NUDCD3: variants seen among roughly 807,000 people sequenced by gnomAD.
NUDCD3 encodes the protein NudC domain containing 3.
A neutral mutation model predicts 39.7 loss-of-function variants in NUDCD3; 13 were observed. The ratio of observed to expected loss-of-function variants is 0.33; its 90% CI spans 0.21 to 0.52. The LOEUF (loss-of-function observed/expected upper bound fraction) is 0.52, where lower values mean the gene tolerates loss of function less well. Ranked by LOEUF, NUDCD3 falls within the 20% of genes least tolerant of loss-of-function variation. The probability of loss-of-function intolerance (pLI) is 0.96; values close to 1 mark genes in which losing one functional copy is unlikely to be tolerated. For synonymous variants in NUDCD3, 175 were observed against 172.4 expected (o/e 1.02, Z -0.12); for missense variants, 453 against 458.1 (o/e 0.99, Z 0.10).
intron 4 of NUDCD3, among the ~76,000 whole-genome samples, chr7:44,400,950 G>A (rs1798710926): frequency 6.6e-6 from 1 of 152,156 alleles, no homozygotes; most frequent in Non-Finnish European, 1.5e-5. Flanking sequence ...TTAGAGCAAA[G>A]CCCTCAACTC....
chr7:44,397,039 A>C (rs187700403), intron 4 of NUDCD3, among the ~76,000 whole-genome samples: 1 of 152,304 alleles, frequency 6.6e-6, no homozygotes, highest in African/African-American at 2.4e-5. Context: ...TTTTGAGGTC[A>C]CATCTCCATG....
chr7:44,430,553 C>CA (rs1491399103), intron 2 of NUDCD3, among the ~76,000 whole-genome samples: 2,688 of 141,458 alleles, frequency 0.019, 29 homozygotes, highest in African/African-American at 0.04. Flanking sequence ...AAATAAAATA[C>CA]CCACACACAC....
At chr7:44,402,666 C>G (rs1490022927) in intron 4 of NUDCD3, 1 of 456,534 alleles carries the variant, frequency 2.2e-6, no homozygotes, top group Non-Finnish European at 4.4e-6. Flanking sequence ...TCAGAGGGAA[C>G]CAACTTGAGA....
intron 2 of NUDCD3, among the ~76,000 whole-genome samples, chr7:44,435,917 T>C (rs1340723230): frequency 2.0e-5 from 3 of 152,170 alleles, no homozygotes; most frequent in East Asian, 1.9e-4. Context: ...CAGAGAAGCA[T>C]GGCCATCACA....
intron 4 of NUDCD3, 72 bp downstream of exon 4, chr7:44,404,368 G>C: frequency 6.7e-7 from 1 of 1,483,470 alleles, no homozygotes; most frequent in Non-Finnish European, 9.3e-7. Flanking sequence ...AAATAGGCTT[G>C]TTGGTCAAAA....
At position 44,382,210 on chromosome 7, in the gene NUDCD3, A is replaced by C. The variant is rs1158402693; in HGVS notation, c.*3801T>G. ...TAAAAAATAAAACCGAGTGGGAGGA[A>C]GGTGAGGACTGAAAAACTACATATC... On this transcript the variant is annotated 3_prime_UTR_variant, in exon 6 of 6. Transcript: ENST00000355451. The C allele has an allele frequency of 6.6e-6, 1 of 152,158 alleles. No homozygotes were observed. The highest frequency in any genetic ancestry group is 1.9e-4 in the East Asian group (1 of 5,186). The allele number at this position is 152,158 out of a possible 1,614,324, so 9.4% of individuals were successfully genotyped here.
chr7:44,490,011 T>C (rs906298621), intron 1 of NUDCD3: 2 of 169,218 alleles, frequency 1.2e-5, no homozygotes, highest in Admixed American at 6.0e-5. Context: ...ATCAACACAA[T>C]GCCTCCGTCA....
chr7:44,455,138 C>T (rs1368822516), intron 2 of NUDCD3, among the ~76,000 whole-genome samples: 1 of 152,070 alleles, frequency 6.6e-6, no homozygotes, highest in Non-Finnish European at 1.5e-5. Flanking sequence ...TTGTAAGATG[C>T]TGACTCCCAA....
intron 4 of NUDCD3, 122 bp downstream of exon 4, chr7:44,404,318 G>T: frequency 1.0e-6 from 1 of 984,932 alleles, no homozygotes. Flanking sequence ...AAACCCATCT[G>T]CCCCAGCAGC....
chr7:44,464,867 A>T (rs1386287568), intron 2 of NUDCD3, among the ~76,000 whole-genome samples: 3 of 152,200 alleles, frequency 2.0e-5, no homozygotes, highest in Admixed American at 1.3e-4. Context: ...CAATACTGGC[A>T]TTTAGTACAG....
At chr7:44,468,012 G>A (rs1800158132) in intron 2 of NUDCD3, 1 of 1,612,842 alleles carries the variant, frequency 6.2e-7, no homozygotes, top group South Asian at 1.1e-5. Flanking sequence ...CGGAAACCCA[G>A]AGGCACTGAC....
chr7:44,388,147 G>T (rs1430786438), intron 5 of NUDCD3, among the ~76,000 whole-genome samples: 4 of 152,216 alleles, frequency 2.6e-5, no homozygotes, highest in African/African-American at 4.8e-5. Context: ...AGCATCTGTG[G>T]CATTAGAAGC....
chr7:44,430,550 A>ATTTATTTATATATTT (rs1799337762), intron 2 of NUDCD3, among the ~76,000 whole-genome samples: 1 of 145,558 alleles, frequency 6.9e-6, no homozygotes, highest in Non-Finnish European at 1.5e-5. Flanking sequence ...TATAAATAAA[A>ATTTATTTATATATTT]TACCCACACA....
chr7:44,411,830 G>C (rs1798931307), intron 3 of NUDCD3, among the ~76,000 whole-genome samples: 1 of 152,222 alleles, frequency 6.6e-6, no homozygotes, highest in Non-Finnish European at 1.5e-5. Flanking sequence ...CATATGTCCA[G>C]AGAACTGGAA....
chr7:44,477,263 T>A (rs1475271959), intron 2 of NUDCD3, among the ~76,000 whole-genome samples: 1 of 152,142 alleles, frequency 6.6e-6, no homozygotes, highest in Non-Finnish European at 1.5e-5. Context: ...CACTGCCCAA[T>A]GCACACCAAC....
intron 4 of NUDCD3, among the ~76,000 whole-genome samples, chr7:44,400,184 T>A (rs186439906): frequency 3.3e-5 from 5 of 152,326 alleles, no homozygotes; most frequent in African/African-American, 7.2e-5. Context: ...GCTGGTGCCG[T>A]TGCCACGGCT....
At chr7:44,401,644 T>C (rs1379425819) in intron 4 of NUDCD3, among the ~76,000 whole-genome samples, 1 of 152,198 alleles carries the variant, frequency 6.6e-6, no homozygotes, top group Non-Finnish European at 1.5e-5. Context: ...GTTTCAATTG[T>C]AGAGGAATTT....
At chr7:44,482,067 G>A (rs1282318508) in intron 2 of NUDCD3, among the ~76,000 whole-genome samples, 3 of 152,144 alleles carry the variant, frequency 2.0e-5, no homozygotes, top group African/African-American at 2.4e-5. Context: ...CAGCCTAAGT[G>A]GACTATGACA....
At chr7:44,392,698 G>A (rs1003807469) in intron 4 of NUDCD3, among the ~76,000 whole-genome samples, 1 of 152,132 alleles carries the variant, frequency 6.6e-6, no homozygotes, top group Non-Finnish European at 1.5e-5. Flanking sequence ...CATATCCCAG[G>A]GAAGAGCTAG....
Sources: gnomAD v4.1 joint callset for allele counts (sites outside exome capture counted in the v4.1 genomes callset) on GRCh38, gnomAD v4.1.1 for gene constraint, MANE v1.5 for transcripts, NCBI Gene and HGNC (gene_info 2026-07-23, HGNC 2026-07-21) for gene names.